The following CFTR variants were observed in gnomAD, a reference collection of about 807,000 sequenced individuals.
The protein encoded by CFTR is cystic fibrosis transmembrane conductance regulator.
In CFTR, 181 loss-of-function variants were observed where a neutral mutation model predicts 171.6. That is an observed-to-expected ratio of 1.05 (90% CI 0.93 to 1.19). CFTR has a LOEUF of 1.19. CFTR is among the 50% of genes most tolerant of loss of function. The pLI is 0.00. For missense variants in CFTR, 1,968 were observed against 1,734.7 expected (o/e 1.13, Z -2.39); for synonymous variants, 583 against 608.0 (o/e 0.96, Z 0.60).
intron 23 of CFTR, among the ~76,000 whole-genome samples, chr7:117,645,093 C>A (rs1321235921): frequency 6.6e-6 from 1 of 152,174 alleles, no homozygotes; most frequent in Admixed American, 6.6e-5. Flanking sequence ...TATGTCCACA[C>A]ATAACTCCCA....
At chr7:117,662,708 A>T (rs888228497) in intron 24 of CFTR, among the ~76,000 whole-genome samples, 1 of 152,162 alleles carries the variant, frequency 6.6e-6, no homozygotes, top group Admixed American at 6.5e-5. Flanking sequence ...ACTAATTGAG[A>T]TTTGTAGGAT....
At chr7:117,549,131 C>A (rs531842822) in intron 10 of CFTR, among the ~76,000 whole-genome samples, 1 of 152,198 alleles carries the variant, frequency 6.6e-6, no homozygotes, top group Admixed American at 6.5e-5. Context: ...TCCATTTTAT[C>A]CATTCTTAAC....
intron 23 of CFTR, among the ~76,000 whole-genome samples, chr7:117,651,063 G>A (rs568625980): frequency 6.6e-6 from 1 of 152,274 alleles, no homozygotes. Context: ...TTTACCTCAT[G>A]AGGTTGACAT....
intron 1 of CFTR, among the ~76,000 whole-genome samples, chr7:117,492,799 A>G (rs1171461885): frequency 6.6e-6 from 1 of 152,028 alleles, no homozygotes; most frequent in African/African-American, 2.4e-5. Flanking sequence ...AATAGAGCAC[A>G]CCATGGGGAA....
chr7:117,560,201 A>G (rs1799439319), intron 11 of CFTR, among the ~76,000 whole-genome samples: 1 of 152,126 alleles, frequency 6.6e-6, no homozygotes. Context: ...TCTTTGATGC[A>G]GAGGCAAAAT....
intron 10 of CFTR, among the ~76,000 whole-genome samples, chr7:117,558,045 A>G (rs1031258330): frequency 6.6e-6 from 1 of 152,124 alleles, no homozygotes; most frequent in Non-Finnish European, 1.5e-5. Flanking sequence ...ATAGTTGTGC[A>G]ACTATCACCT....
At chr7:117,538,137 A>C (rs1009143499) in intron 7 of CFTR, among the ~76,000 whole-genome samples, 2 of 152,170 alleles carry the variant, frequency 1.3e-5, no homozygotes, top group Non-Finnish European at 2.9e-5. Flanking sequence ...TCACTCGAAA[A>C]GGCTAGAAGT....
intron 1 of CFTR, among the ~76,000 whole-genome samples, chr7:117,490,693 A>T (rs1798147227): frequency 6.6e-6 from 1 of 152,122 alleles, no homozygotes; most frequent in South Asian, 2.1e-4. Flanking sequence ...AAGTGATAGC[A>T]AATAATGCCA....
intron 1 of CFTR, among the ~76,000 whole-genome samples, chr7:117,484,076 G>A (rs1798037022): frequency 6.6e-6 from 1 of 152,148 alleles, no homozygotes; most frequent in Non-Finnish European, 1.5e-5. Context: ...TGCAATTTGT[G>A]AGGAAAGCTA....
intron 10 of CFTR, among the ~76,000 whole-genome samples, chr7:117,550,012 C>T (rs213944): frequency 0.3 from 45,282 of 151,922 alleles, 8,880 homozygotes; most frequent in African/African-American, 0.56. Context: ...ACTTGGGAAA[C>T]AAAATGCCAC....
At chr7:117,557,403 G>A (rs921771537) in intron 10 of CFTR, among the ~76,000 whole-genome samples, 1 of 152,032 alleles carries the variant, frequency 6.6e-6, no homozygotes. Context: ...GATATTAAAT[G>A]TACATCATTA....
intron 21 of CFTR, 26 bp downstream of exon 21, chr7:117,614,739 T>C: frequency 6.6e-7 from 1 of 1,512,796 alleles, no homozygotes; most frequent in Admixed American, 1.7e-5. Flanking sequence ...TTTTTAACTT[T>C]TATGAAAAAA....
chr7:117,615,703 A>T (rs1440684442), intron 21 of CFTR, among the ~76,000 whole-genome samples: 1 of 151,906 alleles, frequency 6.6e-6, no homozygotes, highest in South Asian at 2.1e-4. Context: ...TGCTAATACC[A>T]TATCAGGGGC....
intron 11 of CFTR, among the ~76,000 whole-genome samples, chr7:117,582,329 T>A (rs1791860554): frequency 6.6e-6 from 1 of 152,154 alleles, no homozygotes; most frequent in South Asian, 2.1e-4. Flanking sequence ...CTTTGTTACT[T>A]ATTGAGCAAC....
chr7:117,496,709 C>A (rs1798246961), intron 1 of CFTR, among the ~76,000 whole-genome samples: 1 of 152,084 alleles, frequency 6.6e-6, no homozygotes, highest in Admixed American at 6.6e-5. Flanking sequence ...AATGGATGGG[C>A]CATATAGTAA....
At chr7:117,483,203 A>C (rs1010527946) in intron 1 of CFTR, among the ~76,000 whole-genome samples, 1 of 152,240 alleles carries the variant, frequency 6.6e-6, no homozygotes, top group Non-Finnish European at 1.5e-5. Context: ...TAGCTATCTA[A>C]TAAAAACCAC....
intron 1 of CFTR, among the ~76,000 whole-genome samples, chr7:117,501,776 C>CAAAAAAAAAAAAAAAAAAA (rs796991857): frequency 2.4e-5 from 2 of 84,334 alleles, no homozygotes; most frequent in Non-Finnish European, 5.4e-5. Context: ...AAAAAAGAAA[C>CAAAAAAAAAAAAAAAAAAA]AAAAAAAAAA....
In CFTR at chr7:117,599,538, A is replaced by C. The variant is rs369058838; in HGVS notation, c.2620-3288A>C. Among the ~76,000 whole-genome samples the C allele has an allele frequency of 4.3e-4, 65 of 152,184 alleles. No homozygotes were observed. In the East Asian group the frequency reaches 9.1e-3, roughly 21 times the overall value. Reference sequence around the variant, plus strand: ...TTGAACTGTCACAATTATTGCAAAAAATTACCTTTTAGTGGACAAAACAAT... The same window carrying C: ...TTGAACTGTCACAATTATTGCAAAACATTACCTTTTAGTGGACAAAACAAT... On this transcript the variant is annotated intron_variant, in intron 15 of 26. Transcript: ENST00000003084.
chr7:117,590,755 C>T (rs1792013813), intron 13 of CFTR, among the ~76,000 whole-genome samples: 2 of 151,982 alleles, frequency 1.3e-5, no homozygotes, highest in African/African-American at 4.8e-5. Flanking sequence ...TATTATTATA[C>T]TTAACATTTT....
Sources: allele counts gnomAD v4.1 joint callset (sites outside exome capture counted in the v4.1 genomes callset), GRCh38; gene constraint gnomAD v4.1.1; transcripts MANE v1.5; gene names NCBI Gene and HGNC (gene_info 2026-07-23, HGNC 2026-07-21).